The following PLCD4 variants were observed in gnomAD, a reference collection of about 807,000 sequenced individuals.
PLCD4 encodes 1-phosphatidylinositol 4,5-bisphosphate phosphodiesterase delta-4.
A neutral mutation model predicts 90.2 loss-of-function variants in PLCD4; 63 were observed. That is an observed-to-expected ratio of 0.70 (90% CI 0.57 to 0.86). The LOEUF (loss-of-function observed/expected upper bound fraction) is 0.86. Among genes scored for constraint, PLCD4 ranks in the 40% least tolerant of loss-of-function variants. The pLI is 0.00. For synonymous variants in PLCD4, 294 were observed against 356.5 expected, an observed-to-expected ratio of 0.82 and a Z score of 1.97; for missense variants, 830 against 956.3, an observed-to-expected ratio of 0.87 and a Z score of 1.74.
At chr2:218,617,491 C>T (rs1575018170) in intron 3 of PLCD4, among the ~76,000 whole-genome samples, 1 of 150,242 alleles carries the variant, frequency 6.7e-6, no homozygotes, top group East Asian at 2.1e-4. Flanking sequence ...GCAGGAGAAT[C>T]GCTTGAACCT....
chr2:218,632,046 C>T, intron 9 of PLCD4, 90 bp from the exon 10 acceptor site: 4 of 1,392,820 alleles, frequency 2.9e-6, no homozygotes, highest in Non-Finnish European at 3.8e-6. Context: ...CACTCACTTC[C>T]TCTGCCTTTG....
At chr2:218,635,758 G>A (rs775600840) in intron 13 of PLCD4, 38 bp from the exon 14 acceptor site, 3 of 1,598,984 alleles carry the variant, frequency 1.9e-6, no homozygotes, top group Middle Eastern at 1.8e-4. Flanking sequence ...GGGCTGGGCT[G>A]AGCAGGAACT....
At chr2:218,617,259 C>T (rs1261790974) in intron 3 of PLCD4, among the ~76,000 whole-genome samples, 4 of 148,040 alleles carry the variant, frequency 2.7e-5, no homozygotes, top group East Asian at 2.1e-4. Context: ...CCACTGCACC[C>T]GGCCTATAAT....
intron 10 of PLCD4, 33 bp from the exon 11 acceptor site, chr2:218,633,572 G>A: frequency 1.9e-6 from 3 of 1,606,064 alleles, no homozygotes; most frequent in Non-Finnish European, 2.6e-6. Context: ...ACTGCTGAGG[G>A]TTCAATTCCA....
At chr2:218,615,435 T>C (rs1046488427) in intron 1 of PLCD4, among the ~76,000 whole-genome samples, 11 of 151,910 alleles carry the variant, frequency 7.2e-5, no homozygotes, top group African/African-American at 2.7e-4. Context: ...GTGAGCAAAA[T>C]GTGGCACTAG....
At chr2:218,629,252 C>T (rs1696250238) in intron 7 of PLCD4, 1 of 394,980 alleles carries the variant, frequency 2.5e-6, no homozygotes, top group Non-Finnish European at 4.6e-6. Flanking sequence ...ATAAGTAAAA[C>T]CAGAACACCA....
At chr2:218,636,158 T>C (rs1696729337) in intron 14 of PLCD4, 85 bp from the exon 15 acceptor site, 18 of 1,462,672 alleles carry the variant, frequency 1.2e-5, no homozygotes, top group South Asian at 9.6e-5. Context: ...GATTGCCATC[T>C]AGATTAAATG....
chr2:218,610,744 C>G (rs545896052), intron 1 of PLCD4, among the ~76,000 whole-genome samples: 8 of 151,784 alleles, frequency 5.3e-5, no homozygotes, highest in African/African-American at 1.9e-4. Flanking sequence ...TCCTCCTGCC[C>G]AAGACAGAGT....
At chr2:218,632,062 A>G in intron 9 of PLCD4, 74 bp from the exon 10 acceptor site, 1 of 1,457,128 alleles carries the variant, frequency 6.9e-7, no homozygotes, top group Non-Finnish European at 9.1e-7. Context: ...CTTTGAGAAC[A>G]ATGAGACTGG....
chr2:218,630,385 C>G (rs1696309200), intron 8 of PLCD4, among the ~76,000 whole-genome samples: 1 of 152,034 alleles, frequency 6.6e-6, no homozygotes, highest in Non-Finnish European at 1.5e-5. Flanking sequence ...CTCAAAGGTC[C>G]CAGAGGGGCC....
chr2:218,619,893 T>A lies in PLCD4; in HGVS notation c.410+1086T>A, dbSNP rs190865451. ...ACCATAAAATACATTTTATTTTTTA[T>A]TTGAGACAGGGTCTCACTCTGTCAC... On this transcript the variant is annotated intron_variant, in intron 4 of 15. Transcript: ENST00000450993. Among the ~76,000 whole-genome samples, 33 of 152,294 alleles carry A rather than the reference T, an allele frequency of 2.2e-4. No individual in the cohort carries two copies. In the East Asian group the frequency reaches 5.0e-3, roughly 23 times the overall value.
chr2:218,628,085 G>T lies in PLCD4; in HGVS notation c.829G>T (p.Asp277Tyr). Residue 277 changes from aspartate (D) to tyrosine (Y), a missense_variant, in exon 7 of 16, where the codon GAT (aspartate) becomes TAT (tyrosine). Asp to Tyr is a radical substitution (Grantham distance 160, BLOSUM62 -3). Coordinates refer to ENST00000450993, the MANE Select transcript of PLCD4 (RefSeq NM_032726.4). ...CTTCCTCAGCTACCTCTGCTCTAAG[G>T]ATGGAGACATCTTCAACCCAGCCTG... ...DGFLSYLCSKDGDIFNPACLP... is the reference protein window; with the variant it reads ...DGFLSYLCSKYGDIFNPACLP... 6.2e-7 allele frequency: 1 copy of T among 1,614,018 alleles called. No homozygotes were observed. Among genetic ancestry groups the T allele is most frequent in the Non-Finnish European group, 8.5e-7 (1 of 1,179,892 alleles).
rs1467749248 is a variant in PLCD4, at chr2:218,632,245, T to C, written c.1382T>C (p.Leu461Pro). Residue 461 changes from leucine (L) to proline (P), a missense_variant, in exon 10 of 16, where the codon CTG becomes CCG. By Grantham distance (98) the Leu-to-Pro change is moderately conservative. Coordinates refer to ENST00000450993, the MANE Select transcript of PLCD4 (RefSeq NM_032726.4). Reference protein sequence around the residue: ...EPELEESELALESQFETEPEP... With the variant: ...EPELEESELAPESQFETEPEP... ...GAGTTGGAAGAGTCAGAATTGGCGC[T>C]GGAGTCCCAGTTTGAGACTGAGCCT... 1 of 1,611,560 alleles carries C rather than the reference T, an allele frequency of 6.2e-7. No homozygotes were observed. The highest frequency in any genetic ancestry group is 8.5e-7 in the Non-Finnish European group (1 of 1,178,990).
In PLCD4 at chr2:218,615,674, C is replaced by T. The variant is rs1270622535; in HGVS notation, c.-33-33C>T. 7.2e-6 allele frequency: 11 copies of T among 1,519,434 alleles called. No individual in the cohort carries two copies. The African/African-American group carries it at 1.3e-4, about 17-fold the overall frequency. 94.1% of individuals were successfully genotyped at this position (1,519,434 alleles called of 1,614,324 possible). ...AGCTACAGACTATCTTCAAGATTCACCCAGAGCCCTTTGCTCTTCCTTGCT... is the reference window on the plus strand; with the variant it reads ...AGCTACAGACTATCTTCAAGATTCATCCAGAGCCCTTTGCTCTTCCTTGCT... On this transcript the variant is annotated intron_variant, in intron 1 of 15. Coordinates refer to ENST00000450993, the MANE Select transcript of PLCD4 (RefSeq NM_032726.4).
rs774426597 is a variant in PLCD4 at position 218,633,619 on chromosome 2, C to T, written c.1464C>T (p.Ile488=). ...ACCTTCTCCAGAAATCCAAGCCCATCTTGTGTCCAGCCCTCTCTTCCCTGG... is the reference window on the plus strand; with the variant it reads ...ACCTTCTCCAGAAATCCAAGCCCATTTTGTGTCCAGCCCTCTCTTCCCTGG... ...NKDKKKKSKP[I]LCPALSSLVI... Residue 488 remains isoleucine (I), a synonymous_variant, in exon 11 of 16, where the codon ATC becomes ATT. Transcript: ENST00000450993. 12 of 1,613,526 alleles carry T rather than the reference C, an allele frequency of 7.4e-6. 1 individual carries two copies. The Admixed American group carries it at 1.8e-4, about 25-fold the overall frequency.
chr2:218,635,666 A>G (rs1418956108), intron 13 of PLCD4, 130 bp from the exon 14 acceptor site: 2 of 1,292,902 alleles, frequency 1.5e-6, no homozygotes, highest in East Asian at 2.5e-5. Flanking sequence ...ATAGAATACT[A>G]GAAGAAAATA....
rs746737439 is a variant in PLCD4, at chr2:218,629,503, G to C, written c.975-16G>C. On this transcript the variant is annotated splice_polypyrimidine_tract_variant and intron_variant, in intron 7 of 15. Transcript: ENST00000450993. Reference sequence around the variant, plus strand: ...TTGACCTCTCCTATTTCTCGGTGGGGATGGGGTTCTTTCAGGGCCCTGAAG... The same window carrying C: ...TTGACCTCTCCTATTTCTCGGTGGGCATGGGGTTCTTTCAGGGCCCTGAAG... 6.8e-6 allele frequency: 11 copies of C among 1,611,566 alleles called. No homozygotes were observed. The highest frequency in any genetic ancestry group is 9.3e-6 in the Non-Finnish European group (11 of 1,179,152).
chr2:218,632,176 C>T lies in PLCD4; in HGVS notation c.1313C>T (p.Thr438Ile). The change falls in exon 10 of 16, where the codon ACA becomes ATA. Residue 438 changes from threonine to isoleucine, a missense_variant. Thr to Ile is a moderately conservative substitution (Grantham distance 89, BLOSUM62 -1). Coordinates refer to ENST00000450993, the MANE Select transcript of PLCD4 (RefSeq NM_032726.4). ...RKILVKGKKL[T>I]LEEDLEYEEE... ...ATCCTGGTGAAGGGGAAGAAGTTAACACTTGAGGAAGACCTGGAATATGAG... is the reference window on the plus strand; with the variant it reads ...ATCCTGGTGAAGGGGAAGAAGTTAATACTTGAGGAAGACCTGGAATATGAG... 1 of 1,610,678 alleles carries T rather than the reference C, an allele frequency of 6.2e-7. No individual in the cohort carries two copies. Among genetic ancestry groups the T allele is most frequent in the Non-Finnish European group, 8.5e-7 (1 of 1,178,664 alleles).
At chr2:218,636,131 C>T in intron 14 of PLCD4, 112 bp from the exon 15 acceptor site, 1 of 1,402,886 alleles carries the variant, frequency 7.1e-7, no homozygotes, top group Admixed American at 1.9e-5. Context: ...AGCCTTTTTC[C>T]TTACCTGTAA....
Sources: gnomAD v4.1 joint callset for allele counts (sites outside exome capture counted in the v4.1 genomes callset) on GRCh38, gnomAD v4.1.1 for gene constraint, MANE v1.5 for transcripts, NCBI Gene and HGNC (gene_info 2026-07-23, HGNC 2026-07-21) for gene names.